Variants in LDB2 observed in about 807,000 individuals in gnomAD.
LDB2 encodes LIM domain binding 2.
A neutral mutation model predicts 44.3 loss-of-function variants in LDB2; 12 were observed. The ratio of observed to expected loss-of-function variants is 0.27; its 90% confidence interval spans 0.17 to 0.44. The LOEUF is 0.44. Among genes scored for constraint, LDB2 ranks in the 20% least tolerant of loss-of-function variants. The probability of loss-of-function intolerance (pLI) is 1.00; values close to 1 mark genes in which losing one functional copy is unlikely to be tolerated. For missense variants in LDB2, 344 were observed against 473.5 expected (o/e 0.73, Z 2.54); for synonymous variants, 164 against 174.8 (o/e 0.94, Z 0.49).
intron 5 of LDB2, among the ~76,000 whole-genome samples, chr4:16,547,543 C>T (rs1410839486): frequency 6.6e-6 from 1 of 152,192 alleles, no homozygotes; most frequent in Admixed American, 6.5e-5. Context: ...GGATGTCTTA[C>T]AGACAGCTCC....
At chr4:16,649,124 T>A (rs544442701) in intron 2 of LDB2, among the ~76,000 whole-genome samples, 1 of 152,370 alleles carries the variant, frequency 6.6e-6, no homozygotes, top group Non-Finnish European at 1.5e-5. Flanking sequence ...CTTCTTTATA[T>A]CTGCTCTTGG....
chr4:16,662,286 C>G (rs1298412640), intron 2 of LDB2, among the ~76,000 whole-genome samples: 1 of 151,940 alleles, frequency 6.6e-6, no homozygotes, highest in Non-Finnish European at 1.5e-5. Context: ...TGCTCCAAAC[C>G]CAACACAGAA....
At chr4:16,827,771 T>G (rs1021588415) in intron 1 of LDB2, among the ~76,000 whole-genome samples, 6 of 152,036 alleles carry the variant, frequency 3.9e-5, no homozygotes, top group African/African-American at 1.2e-4. Flanking sequence ...AACTGGAGGG[T>G]TGAAAAGAAA....
Position 16,782,839 on chromosome 4 carries a change from G to C in LDB2, c.133-23579C>G, listed in dbSNP as rs374824125. On this transcript the variant is annotated intron_variant, in intron 1 of 7. Coordinates refer to ENST00000304523, the MANE Select transcript of LDB2 (RefSeq NM_001290.5). ...TTTTCTTGAACCTTGTTATCTAGAG[G>C]GGGAGTAGAGGAAGGGGGCAGATAA... Among the ~76,000 whole-genome samples the C allele has an allele frequency of 7.9e-5, 12 of 152,042 alleles. No individual in the cohort carries two copies. In the South Asian group the frequency reaches 2.5e-3, roughly 32 times the overall value.
intron 1 of LDB2, among the ~76,000 whole-genome samples, chr4:16,897,126 T>A (rs900333474): frequency 3.3e-5 from 5 of 152,230 alleles, no homozygotes; most frequent in African/African-American, 4.8e-5. Flanking sequence ...CTGTATTAAA[T>A]ACACGAAACG....
At chr4:16,754,161 T>C (rs1402477032) in intron 2 of LDB2, among the ~76,000 whole-genome samples, 1 of 152,216 alleles carries the variant, frequency 6.6e-6, no homozygotes, top group African/African-American at 2.4e-5. Context: ...CACACATTCT[T>C]AATCACTGTT....
chr4:16,852,054 T>C (rs1307780983), intron 1 of LDB2, among the ~76,000 whole-genome samples: 1 of 152,216 alleles, frequency 6.6e-6, no homozygotes, highest in African/African-American at 2.4e-5. Flanking sequence ...GAAATCCTGA[T>C]CCTCTCATGT....
At chr4:16,551,363 G>A (rs1435755502) in intron 5 of LDB2, among the ~76,000 whole-genome samples, 2 of 152,144 alleles carry the variant, frequency 1.3e-5, no homozygotes, top group Non-Finnish European at 2.9e-5. Flanking sequence ...TGTGGAAACT[G>A]CATGTAAGCT....
At chr4:16,761,626 T>C (rs981299532) in intron 1 of LDB2, among the ~76,000 whole-genome samples, 3 of 152,150 alleles carry the variant, frequency 2.0e-5, no homozygotes, top group Non-Finnish European at 4.4e-5. Flanking sequence ...ACAACAATAG[T>C]TACTATCTGG....
At chr4:16,556,304 T>G (rs903099627) in intron 5 of LDB2, among the ~76,000 whole-genome samples, 4 of 152,246 alleles carry the variant, frequency 2.6e-5, no homozygotes, top group African/African-American at 9.6e-5. Flanking sequence ...GTAGGCATCC[T>G]TTAAACAGTT....
At chr4:16,869,007 T>C (rs535844939) in intron 1 of LDB2, among the ~76,000 whole-genome samples, 1 of 152,214 alleles carries the variant, frequency 6.6e-6, no homozygotes, top group South Asian at 2.1e-4. Context: ...GTGATGATGA[T>C]GCTGGTAGAT....
Position 16,533,724 on chromosome 4 carries a change from C to T in LDB2, c.616-21620G>A, listed in dbSNP as rs575531832. Among the ~76,000 whole-genome samples the T allele has an allele frequency of 6.8e-4, 104 of 152,304 alleles. 1 individual carries two copies. The highest frequency in any genetic ancestry group is 2.5e-3 in the African/African-American group (103 of 41,562). ...TGGTTGCTTATGTAAAAGACCTGCCCTCCAGTAAAATTCCATTTTGGGGTT... is the reference window on the plus strand; with the variant it reads ...TGGTTGCTTATGTAAAAGACCTGCCTTCCAGTAAAATTCCATTTTGGGGTT... On this transcript the variant is annotated intron_variant, in intron 5 of 7. Transcript: ENST00000304523. This position sits in a 1 kb window ranked among gnomAD's most constrained non-coding sequence, Gnocchi z 4.1.
intron 2 of LDB2, among the ~76,000 whole-genome samples, chr4:16,633,891 C>T (rs539028583): frequency 6.8e-4 from 103 of 152,298 alleles, no homozygotes; most frequent in African/African-American, 2.4e-3. Context: ...ACCAAAACAG[C>T]ATGGTGCTGG....
At position 16,849,778 on chromosome 4, in the gene LDB2, T is replaced by C. The variant is rs368466684; in HGVS notation, c.132+48576A>G. 1.4e-4 allele frequency among the ~76,000 whole-genome samples: 22 copies of C among 152,328 alleles called. No individual in the cohort carries two copies. In the East Asian group the frequency reaches 2.9e-3, roughly 20 times the overall value. ...CTCTTATCACTCTCTGGCCATTCCC[T>C]GGGTGGAGGGTTCTGCCCACTTCTG... On this transcript the variant is annotated intron_variant, in intron 1 of 7. Coordinates refer to ENST00000304523, the MANE Select transcript of LDB2 (RefSeq NM_001290.5).
chr4:16,661,762 C>T (rs1287675333), intron 2 of LDB2, among the ~76,000 whole-genome samples: 2 of 152,078 alleles, frequency 1.3e-5, no homozygotes, highest in Non-Finnish European at 2.9e-5. Flanking sequence ...AAATCACATG[C>T]AACTGAAGAG....
At chr4:16,833,557 T>G (rs904385794) in intron 1 of LDB2, among the ~76,000 whole-genome samples, 1 of 151,400 alleles carries the variant, frequency 6.6e-6, no homozygotes, top group Non-Finnish European at 1.5e-5. Flanking sequence ...TTTTTTTTTT[T>G]TTTTGAGACG....
At chr4:16,665,457 G>A (rs1010627823) in intron 2 of LDB2, among the ~76,000 whole-genome samples, 8 of 151,990 alleles carry the variant, frequency 5.3e-5, no homozygotes, top group African/African-American at 1.4e-4. Flanking sequence ...ATTAGAGACG[G>A]GGTTTCACCA....
chr4:16,851,652 C>T (rs143556898), intron 1 of LDB2, among the ~76,000 whole-genome samples: 1 of 151,226 alleles, frequency 6.6e-6, no homozygotes, highest in Non-Finnish European at 1.5e-5. Context: ...CAGGTAAACA[C>T]AAAAGATGTC....
intron 1 of LDB2, among the ~76,000 whole-genome samples, chr4:16,821,388 T>A (rs199873015): frequency 1.3e-5 from 1 of 76,020 alleles, no homozygotes. Context: ...TTTTTTTTTA[T>A]TTTTTTTTTT....
Sources: allele counts gnomAD v4.1 joint callset (sites outside exome capture counted in the v4.1 genomes callset), GRCh38; gene constraint gnomAD v4.1.1; non-coding constraint Gnocchi (gnomAD v3.1); transcripts MANE v1.5; gene names NCBI Gene and HGNC (gene_info 2026-07-23, HGNC 2026-07-21).